Variants in TTC17 observed in about 807,000 individuals in gnomAD.
TTC17 encodes the protein tetratricopeptide repeat domain 17.
In TTC17, 58 loss-of-function variants were observed where a neutral mutation model predicts 143.8. That is an observed-to-expected ratio of 0.40 (90% CI 0.33 to 0.50). The LOEUF (loss-of-function observed/expected upper bound fraction) is 0.50, where lower values mean the gene tolerates loss of function less well. Ranked by LOEUF, TTC17 falls within the 20% of genes least tolerant of loss-of-function variation. The probability of loss-of-function intolerance (pLI) is 0.49; values close to 1 mark genes in which losing one functional copy is unlikely to be tolerated. For synonymous variants in TTC17, 501 were observed against 497.8 expected, an observed-to-expected ratio of 1.01 and a Z score of -0.09; for missense variants, 1,273 against 1,392.5, an observed-to-expected ratio of 0.91 and a Z score of 1.37.
Position 43,493,968 on chromosome 11 carries a change from CCAAT to C in TTC17, c.*67_*70del. ...TAAAAAAAAAGAATAAGAAAAGAAA[CCAAT>C]CATTGTCAGTATCTACTATTAATGA... On this transcript the variant is annotated 3_prime_UTR_variant, in exon 24 of 24. Coordinates refer to ENST00000039989, the MANE Select transcript of TTC17 (RefSeq NM_018259.6). 3 of 1,504,064 alleles carry C rather than the reference CCAAT, an allele frequency of 2.0e-6. No individual in the cohort carries two copies. The highest frequency in any genetic ancestry group is 2.7e-6 in the Non-Finnish European group (3 of 1,124,638). 93.2% of individuals were successfully genotyped at this position (1,504,064 alleles called of 1,614,324 possible). A position where few individuals can be genotyped will look rare whatever the true frequency, so the allele number is the denominator to read the frequency against.
chr11:43,376,542 T>G (rs923719010), intron 1 of TTC17, among the ~76,000 whole-genome samples: 1 of 152,228 alleles, frequency 6.6e-6, no homozygotes, highest in Non-Finnish European at 1.5e-5. Context: ...TTTGAGATCT[T>G]GTGTGTTCAT....
At chr11:43,404,689 T>A (rs1461004800) in intron 11 of TTC17, among the ~76,000 whole-genome samples, 1 of 152,212 alleles carries the variant, frequency 6.6e-6, no homozygotes, top group East Asian at 1.9e-4. Context: ...TATTCACCAT[T>A]AAATTTTCAG....
Position 43,398,056 on chromosome 11 carries a change from G to A in TTC17, c.1001G>A (p.Arg334Lys), listed in dbSNP as rs1380368884. ...CCTGGGTTTGAGCAAGCTATAAAGA[G>A]GAAGCATGCTGTCCTATGTCAGCAA... Reference protein sequence around the residue: ...ARPGFEQAIKRKHAVLCQQKL... With the variant: ...ARPGFEQAIKKKHAVLCQQKL... Residue 334 changes from arginine to lysine, a missense_variant, in exon 8 of 24, where the codon AGG becomes AAG. Around this residue, in one of 3 missense-constraint regions of TTC17, gnomAD observed 325 missense variants for 444.2 expected, o/e 0.73. Transcript: ENST00000039989. The A allele has an allele frequency of 2.0e-5, 33 of 1,613,870 alleles. No individual in the cohort carries two copies. The highest frequency in any genetic ancestry group is 2.5e-5 in the Non-Finnish European group (30 of 1,180,012).
intron 15 of TTC17, among the ~76,000 whole-genome samples, chr11:43,411,043 G>A (rs568891624): frequency 6.6e-6 from 1 of 152,274 alleles, no homozygotes; most frequent in African/African-American, 2.4e-5. Flanking sequence ...TTCTCATACA[G>A]CAACAGTGAA....
intron 1 of TTC17, among the ~76,000 whole-genome samples, chr11:43,368,277 C>G (rs892311619): frequency 6.6e-6 from 1 of 152,170 alleles, no homozygotes. Context: ...TCAAATCTTA[C>G]GTGCAGTTTC....
intron 2 of TTC17, among the ~76,000 whole-genome samples, chr11:43,380,366 C>T (rs1856919500): frequency 6.6e-6 from 1 of 152,202 alleles, no homozygotes; most frequent in South Asian, 2.1e-4. Flanking sequence ...AGCCATTCTC[C>T]TGCCTCAGCC....
chr11:43,370,182 A>G (rs1856508558), intron 1 of TTC17: 1 of 438,070 alleles, frequency 2.3e-6, no homozygotes, highest in Admixed American at 2.6e-5. Context: ...TAAGCCCATG[A>G]TGGTTAGACT....
intron 20 of TTC17, 150 bp downstream of exon 20, chr11:43,450,391 C>T (rs1947634777): frequency 1.1e-6 from 1 of 881,618 alleles, no homozygotes; most frequent in African/African-American, 1.7e-5. Flanking sequence ...TGGGCCAAGC[C>T]TGATTTCTTT....
At chr11:43,442,423 G>T (rs1394543441) in intron 16 of TTC17, among the ~76,000 whole-genome samples, 1 of 152,190 alleles carries the variant, frequency 6.6e-6, no homozygotes. Context: ...GAGACATTTT[G>T]TTATTTGTTC....
intron 9 of TTC17, among the ~76,000 whole-genome samples, chr11:43,400,516 C>G (rs1857808141): frequency 6.6e-6 from 1 of 152,124 alleles, no homozygotes; most frequent in Non-Finnish European, 1.5e-5. Context: ...GAATACAAGC[C>G]AGACCCACCC....
At chr11:43,412,513 T>C (rs1858464371) in intron 15 of TTC17, among the ~76,000 whole-genome samples, 2 of 152,110 alleles carry the variant, frequency 1.3e-5, no homozygotes, top group South Asian at 4.1e-4. Context: ...AAAGAAGATA[T>C]ACAATATTTA....
At chr11:43,451,042 T>G in intron 20 of TTC17, 140 bp from the exon 21 acceptor site, 3 of 674,848 alleles carry the variant, frequency 4.4e-6, no homozygotes, top group Non-Finnish European at 4.8e-6. Flanking sequence ...TTCCATAGAT[T>G]ACCTTACCAA....
intron 2 of TTC17, among the ~76,000 whole-genome samples, chr11:43,389,159 G>C (rs1034737721): frequency 4.0e-5 from 6 of 151,782 alleles, no homozygotes; most frequent in African/African-American, 1.5e-4. Context: ...AAAGGGTGGA[G>C]GGGGGAGATA....
chr11:43,480,963 A>G (rs909502521), intron 21 of TTC17, among the ~76,000 whole-genome samples: 1 of 152,128 alleles, frequency 6.6e-6, no homozygotes, highest in East Asian at 1.9e-4. Flanking sequence ...ATAATGTGAA[A>G]TCAGAAAACT....
At chr11:43,383,160 G>A (rs1376095786) in intron 2 of TTC17, among the ~76,000 whole-genome samples, 1 of 152,090 alleles carries the variant, frequency 6.6e-6, no homozygotes, top group Non-Finnish European at 1.5e-5. Context: ...GGCTCCCAAA[G>A]GGCTGGGATT....
At chr11:43,445,021 A>G (rs1947510593) in intron 18 of TTC17, among the ~76,000 whole-genome samples, 1 of 152,200 alleles carries the variant, frequency 6.6e-6, no homozygotes, top group South Asian at 2.1e-4. Context: ...ATTATTGATC[A>G]TGGGATTGCT....
intron 11 of TTC17, among the ~76,000 whole-genome samples, chr11:43,405,113 T>C (rs1272578704): frequency 6.8e-6 from 1 of 147,278 alleles, no homozygotes; most frequent in Non-Finnish European, 1.5e-5. Flanking sequence ...TTTTTTTTTC[T>C]TCACTCTGCC....
At chr11:43,388,340 C>T (rs924060110) in intron 2 of TTC17, among the ~76,000 whole-genome samples, 1 of 151,818 alleles carries the variant, frequency 6.6e-6, no homozygotes, top group Admixed American at 6.6e-5. Context: ...AATTTTAAAA[C>T]TTACAAAGCA....
intron 18 of TTC17, among the ~76,000 whole-genome samples, chr11:43,445,627 A>G (rs529103164): frequency 9.8e-5 from 15 of 152,366 alleles, no homozygotes; most frequent in African/African-American, 3.6e-4. Flanking sequence ...TGGTGGGCCC[A>G]AGTAGGGCAT....
Sources: gnomAD v4.1 joint callset for allele counts (sites outside exome capture counted in the v4.1 genomes callset) on GRCh38, gnomAD v4.1.1 for gene constraint, gnomAD v4.1.1 regional missense constraint, MANE v1.5 for transcripts, NCBI Gene and HGNC (gene_info 2026-07-23, HGNC 2026-07-21) for gene names.